The following MAMDC2 variants were observed in gnomAD, a reference collection of about 807,000 sequenced individuals.
MAMDC2 encodes MAM domain-containing protein 2.
In MAMDC2, 57 loss-of-function variants were observed where a neutral mutation model predicts 89.8. That is an observed-to-expected ratio of 0.63 (90% CI 0.51 to 0.79). MAMDC2 has a LOEUF of 0.79. Ranked by LOEUF, MAMDC2 falls within the 30% of genes least tolerant of loss-of-function variation. The pLI, the probability that MAMDC2 is intolerant of heterozygous loss-of-function variation, is 0.00. For synonymous variants in MAMDC2, 313 were observed against 293.4 expected (o/e 1.07, Z -0.68); for missense variants, 800 against 820.6 (o/e 0.97, Z 0.31).
intron 2 of MAMDC2, among the ~76,000 whole-genome samples, chr9:70,078,054 C>G (rs1476191548): frequency 8.1e-6 from 1 of 123,402 alleles, no homozygotes; most frequent in Non-Finnish European, 1.6e-5. Flanking sequence ...GAAGTCAATT[C>G]CACCATTCCT....
At chr9:70,177,942 T>C (rs1287771438) in intron 11 of MAMDC2, among the ~76,000 whole-genome samples, 1 of 152,196 alleles carries the variant, frequency 6.6e-6, no homozygotes, top group Non-Finnish European at 1.5e-5. Context: ...TTCCTAGAAA[T>C]TGATCCAGCA....
chr9:70,043,714 C>T (rs113899614), upstream of MAMDC2: 413 of 160,336 alleles, frequency 2.6e-3, 4 homozygotes, highest in African/African-American at 9.2e-3. Flanking sequence ...AAGCGAGTTC[C>T]CACCGCGGCT....
chr9:70,167,181 G>C (rs956147247), intron 9 of MAMDC2, among the ~76,000 whole-genome samples: 7 of 152,068 alleles, frequency 4.6e-5, no homozygotes, highest in African/African-American at 4.8e-5. Context: ...TATATATACA[G>C]AGTTATACAT....
chr9:70,170,006 G>A (rs982193237), intron 10 of MAMDC2: 18 of 153,628 alleles, frequency 1.2e-4, no homozygotes, highest in African/African-American at 4.3e-4. Context: ...GTTCCACACA[G>A]CTATGCCTCC....
chr9:70,218,711 A>G, intron 12 of MAMDC2, 115 bp downstream of exon 12: 1 of 1,183,344 alleles, frequency 8.5e-7, no homozygotes, highest in South Asian at 1.8e-5. Flanking sequence ...TCATAGACAA[A>G]GGCAGGATTA....
Position 70,126,322 on chromosome 9 carries a change from T to C in MAMDC2, c.807T>C (p.Ala269=), listed in dbSNP as rs1331672928. The C allele has an allele frequency of 9.3e-6, 15 of 1,614,082 alleles. No homozygotes were observed. Among genetic ancestry groups the C allele is most frequent in the South Asian group, 4.4e-5 (4 of 91,092 alleles). Residue 269 remains alanine, a synonymous_variant, in exon 6 of 14, where the codon GCT becomes GCC. Transcript: ENST00000377182. ...NVFSLYTRDV[A]GLYEEIWKAD... Reference sequence around the variant, plus strand: ...TTTCCCTTTACACTCGGGATGTGGCTGGCCTTTACGAGGAAATCTGGAAAG... The same window carrying C: ...TTTCCCTTTACACTCGGGATGTGGCCGGCCTTTACGAGGAAATCTGGAAAG...
chr9:70,198,044 AT>A (rs1193004884), intron 11 of MAMDC2, among the ~76,000 whole-genome samples: 1 of 150,904 alleles, frequency 6.6e-6, no homozygotes, highest in Non-Finnish European at 1.5e-5. Context: ...AATACAATAT[AT>A]TTTTATAATT....
chr9:70,186,587 A>G (rs2032758900), intron 11 of MAMDC2, among the ~76,000 whole-genome samples: 1 of 152,132 alleles, frequency 6.6e-6, no homozygotes, highest in South Asian at 2.1e-4. Flanking sequence ...GGTGCATTTA[A>G]TATTTTCTCC....
intron 9 of MAMDC2, among the ~76,000 whole-genome samples, chr9:70,156,592 T>C (rs1032621090): frequency 2.0e-5 from 3 of 152,182 alleles, no homozygotes; most frequent in African/African-American, 7.2e-5. Flanking sequence ...AGGTCATTAA[T>C]TACTGACAAG....
At chr9:70,135,724 A>G (rs2030978528) in intron 7 of MAMDC2, among the ~76,000 whole-genome samples, 1 of 152,162 alleles carries the variant, frequency 6.6e-6, no homozygotes, top group South Asian at 2.1e-4. Flanking sequence ...CTTCATATAC[A>G]TCACTGTCCC....
intron 2 of MAMDC2, among the ~76,000 whole-genome samples, chr9:70,051,932 CAGAT>C (rs1432075492): frequency 3.6e-5 from 5 of 140,194 alleles, no homozygotes; most frequent in African/African-American, 7.8e-5. Context: ...GATAGACAGA[CAGAT>C]AGATAGATAT....
At chr9:70,054,343 A>C (rs565361246) in intron 2 of MAMDC2, among the ~76,000 whole-genome samples, 2 of 152,300 alleles carry the variant, frequency 1.3e-5, no homozygotes, top group East Asian at 3.9e-4. Flanking sequence ...AGATGGGGAC[A>C]TGAAAGAAAC....
At chr9:70,050,422 G>GAGCT (rs765629723) in intron 2 of MAMDC2, among the ~76,000 whole-genome samples, 2 of 152,186 alleles carry the variant, frequency 1.3e-5, no homozygotes, top group Non-Finnish European at 2.9e-5. Flanking sequence ...ATAAGCTCTG[G>GAGCT]AGCTGGGTGA....
chr9:70,183,919 CATT>C (rs1276637280), intron 11 of MAMDC2, among the ~76,000 whole-genome samples: 9 of 152,148 alleles, frequency 5.9e-5, no homozygotes, highest in African/African-American at 2.2e-4. Context: ...TTGATTCTGT[CATT>C]ATGATGGTAG....
chr9:70,144,104 A>T (rs1447995435), intron 9 of MAMDC2, among the ~76,000 whole-genome samples: 2 of 152,186 alleles, frequency 1.3e-5, no homozygotes, highest in Non-Finnish European at 2.9e-5. Flanking sequence ...TCCAAGTTCA[A>T]CAGCTGAACT....
intron 2 of MAMDC2, among the ~76,000 whole-genome samples, chr9:70,074,495 G>T (rs1007920695): frequency 4.6e-5 from 7 of 152,256 alleles, no homozygotes; most frequent in Non-Finnish European, 7.3e-5. Context: ...GTCCCAGTGT[G>T]CAGAGGCTGC....
intron 2 of MAMDC2, among the ~76,000 whole-genome samples, chr9:70,076,600 G>A (rs570007149): frequency 6.6e-6 from 1 of 152,230 alleles, no homozygotes; most frequent in East Asian, 1.9e-4. Flanking sequence ...TTTTCAATTG[G>A]AAAACATGCT....
chr9:70,132,006 A>G (rs2030827179), intron 7 of MAMDC2, among the ~76,000 whole-genome samples: 1 of 152,194 alleles, frequency 6.6e-6, no homozygotes, highest in African/African-American at 2.4e-5. Flanking sequence ...TATTTTAAAA[A>G]CGCTTTCCAA....
intron 11 of MAMDC2, among the ~76,000 whole-genome samples, chr9:70,210,799 T>C (rs1298260387): frequency 2.5e-5 from 1 of 39,264 alleles, no homozygotes; most frequent in East Asian, 2.4e-3. Context: ...TAGTGCTTCC[T>C]TCGGGAGCTC....
Sources: allele counts gnomAD v4.1 joint callset (sites outside exome capture counted in the v4.1 genomes callset), GRCh38; gene constraint gnomAD v4.1.1; transcripts MANE v1.5; gene names NCBI Gene and HGNC (gene_info 2026-07-23, HGNC 2026-07-21).